Variants in TNRC6B observed in about 807,000 individuals in gnomAD.
The protein encoded by TNRC6B is trinucleotide repeat-containing gene 6B protein.
TNRC6B carries 52 observed loss-of-function variants against 203.6 expected under a neutral mutation model. The ratio of observed to expected loss-of-function variants is 0.26; its 90% CI spans 0.20 to 0.32. The LOEUF (loss-of-function observed/expected upper bound fraction) is 0.32. Among genes scored for constraint, TNRC6B ranks in the 10% least tolerant of loss-of-function variants. TNRC6B has a pLI of 1.00. For missense variants in TNRC6B, 1,923 were observed against 2,286.2 expected (o/e 0.84, Z 3.24); for synonymous variants, 838 against 845.7 (o/e 0.99, Z 0.16).
At chr22:40,217,450 A>G (rs2069650214) in intron 1 of TNRC6B, among the ~76,000 whole-genome samples, 1 of 152,164 alleles carries the variant, frequency 6.6e-6, no homozygotes, top group Admixed American at 6.5e-5. Flanking sequence ...CACCCTGCTC[A>G]TTATTTTGGT....
At chr22:40,200,728 T>C (rs2069401871) in intron 1 of TNRC6B, among the ~76,000 whole-genome samples, 5 of 152,174 alleles carry the variant, frequency 3.3e-5, no homozygotes, top group African/African-American at 1.2e-4. Context: ...TTGTAGGTCA[T>C]ATTGAGTATT....
rs2070467435 is a variant in TNRC6B at position 40,265,654 on chromosome 22, A to G, written c.1424A>G (p.Asn475Ser). Residue 475 changes from asparagine to serine, a missense_variant, in exon 5 of 23, where the codon AAC becomes AGC. Asn to Ser is a conservative substitution (Grantham distance 46, BLOSUM62 1). Transcript: ENST00000454349. Reference sequence around the variant, plus strand: ...GGGTCAAAAAATGACTCTTGGGACAACAATAACAGGTCTACGGGTGGGTCC... The same window carrying G: ...GGGTCAAAAAATGACTCTTGGGACAGCAATAACAGGTCTACGGGTGGGTCC... ...STGSKNDSWD[N>S]NNRSTGGSWN... is the part of the protein sequence containing the mutation. 1 of 1,613,860 alleles carries G rather than the reference A, an allele frequency of 6.2e-7. No homozygotes were observed. The highest frequency in any genetic ancestry group is 8.5e-7 in the Non-Finnish European group (1 of 1,179,882).
At chr22:40,101,918 C>A (rs1437178489) in intron 1 of TNRC6B, among the ~76,000 whole-genome samples, 1 of 152,162 alleles carries the variant, frequency 6.6e-6, no homozygotes, top group Non-Finnish European at 1.5e-5. Context: ...GATGACTTTG[C>A]AAGTAGATCT....
chr22:40,228,606 G>A (rs1235035174), intron 1 of TNRC6B, among the ~76,000 whole-genome samples: 4 of 146,904 alleles, frequency 2.7e-5, no homozygotes, highest in Admixed American at 6.8e-5. Flanking sequence ...TGCAACCTCC[G>A]CCTCCCAGGT....
intron 17 of TNRC6B, among the ~76,000 whole-genome samples, 151 bp from the exon 18 acceptor site, chr22:40,312,353 AT>A (rs1271947484): frequency 6.6e-6 from 1 of 151,666 alleles, no homozygotes; most frequent in Non-Finnish European, 1.5e-5. Flanking sequence ...GTTCATGGTG[AT>A]TTTTTTTTCC....
intron 19 of TNRC6B, among the ~76,000 whole-genome samples, chr22:40,313,406 C>T (rs2146566914): frequency 6.7e-6 from 1 of 150,168 alleles, no homozygotes; most frequent in South Asian, 2.1e-4. Context: ...CACTTATAGA[C>T]AAAGGCTAAG....
chr22:40,183,071 C>CGG (rs1555887680), intron 1 of TNRC6B, among the ~76,000 whole-genome samples: 1 of 151,824 alleles, frequency 6.6e-6, no homozygotes, highest in African/African-American at 2.4e-5. Context: ...ACATCTAGAA[C>CGG]GGCTTGGCAG....
chr22:40,210,086 C>T (rs937026240), intron 1 of TNRC6B, among the ~76,000 whole-genome samples: 4 of 152,100 alleles, frequency 2.6e-5, no homozygotes, highest in African/African-American at 9.7e-5. Context: ...AACTGCAGGC[C>T]TGCATCACCA....
At chr22:40,290,920 A>C (rs2070861923) in intron 12 of TNRC6B, among the ~76,000 whole-genome samples, 1 of 152,176 alleles carries the variant, frequency 6.6e-6, no homozygotes, top group Non-Finnish European at 1.5e-5. Flanking sequence ...AGATCTCTTT[A>C]TGACCAAAGT....
rs1397750366 is a variant in TNRC6B, at chr22:40,327,760, A to ACT, written c.*4522_*4523dup. On this transcript the variant is annotated 3_prime_UTR_variant, in exon 23 of 23. Transcript: ENST00000454349. ...AGAGTGCCTTCTTCTCTTCTACCAC[A>ACT]CTCTGGCATAGATACAGGCTTGCTG... The ACT allele has an allele frequency of 2.6e-5, 4 of 151,898 alleles. No homozygotes were observed. Among genetic ancestry groups the ACT allele is most frequent in the Non-Finnish European group, 4.4e-5 (3 of 67,952 alleles). 9.4% of individuals were successfully genotyped at this position (151,898 alleles called of 1,614,324 possible).
chr22:40,186,073 G>C (rs912841234), intron 1 of TNRC6B, among the ~76,000 whole-genome samples: 3 of 152,146 alleles, frequency 2.0e-5, no homozygotes, highest in Non-Finnish European at 2.9e-5. Flanking sequence ...CTTCCACGTG[G>C]AAGTGATAGT....
intron 1 of TNRC6B, among the ~76,000 whole-genome samples, chr22:40,047,642 C>G (rs2067702707): frequency 6.6e-6 from 1 of 152,168 alleles, no homozygotes; most frequent in East Asian, 1.9e-4. Flanking sequence ...TCATTCTTGG[C>G]TTTTAGAAAT....
intron 1 of TNRC6B, among the ~76,000 whole-genome samples, chr22:40,183,341 C>G (rs1006250404): frequency 2.0e-5 from 3 of 152,102 alleles, no homozygotes; most frequent in Admixed American, 1.3e-4. Flanking sequence ...CTCATGGCTA[C>G]CAGGATCATG....
chr22:40,223,141 T>C (rs1212283485), intron 1 of TNRC6B, among the ~76,000 whole-genome samples: 1 of 151,410 alleles, frequency 6.6e-6, no homozygotes, highest in Non-Finnish European at 1.5e-5. Flanking sequence ...TCAGTAGTAA[T>C]ACTAGGTTTT....
rs2070770997 is a variant in TNRC6B at position 40,285,703 on chromosome 22, C to G, written c.3641C>G (p.Pro1214Arg). The G allele has an allele frequency of 3.1e-6, 5 of 1,613,710 alleles. No individual in the cohort carries two copies. Among genetic ancestry groups the G allele is most frequent in the Non-Finnish European group, 3.4e-6 (4 of 1,179,776 alleles). Residue 1214 changes from proline (P) to arginine (R), a missense_variant, in exon 12 of 23, where the codon CCC (proline) becomes CGC (arginine). This residue lies in a region of TNRC6B where 242 missense variants were observed against 399.5 expected (regional missense o/e 0.61). Transcript: ENST00000454349. ...GCACAATCGAGAGGTCTGCACACACCCGTGCAGCCACTAAATTCTTCTCCC... is the reference window on the plus strand; with the variant it reads ...GCACAATCGAGAGGTCTGCACACACGCGTGCAGCCACTAAATTCTTCTCCC... ...STAQSRGLHT[P>R]VQPLNSSPSL...
intron 1 of TNRC6B, among the ~76,000 whole-genome samples, chr22:40,100,370 G>A (rs867263169): frequency 6.7e-6 from 1 of 148,916 alleles, no homozygotes; most frequent in Non-Finnish European, 1.5e-5. Context: ...GATTACAGGC[G>A]TGACCACTGC....
intron 1 of TNRC6B, among the ~76,000 whole-genome samples, chr22:40,092,922 A>G (rs2068161173): frequency 6.6e-6 from 1 of 152,364 alleles, no homozygotes; most frequent in Non-Finnish European, 1.5e-5. Flanking sequence ...AACTGAGACT[A>G]TCAGGAATAA....
intron 5 of TNRC6B, among the ~76,000 whole-genome samples, chr22:40,267,798 G>T (rs757626485): frequency 2.6e-5 from 4 of 152,104 alleles, no homozygotes; most frequent in Non-Finnish European, 5.9e-5. Context: ...AAGCCCTGGA[G>T]ATGGGAGGCT....
At chr22:40,057,017 T>C (rs2067802980) in intron 1 of TNRC6B, among the ~76,000 whole-genome samples, 1 of 152,166 alleles carries the variant, frequency 6.6e-6, no homozygotes. Flanking sequence ...GGTTCTCATC[T>C]TGGATACCTT....
Sources: allele counts gnomAD v4.1 joint callset (sites outside exome capture counted in the v4.1 genomes callset), GRCh38; gene constraint gnomAD v4.1.1; regional missense constraint gnomAD v4.1.1; transcripts MANE v1.5; gene names NCBI Gene and HGNC (gene_info 2026-07-23, HGNC 2026-07-21).